WIPF1: variants seen among roughly 807,000 people sequenced by gnomAD.
WIPF1 encodes WAS/WASL-interacting protein family member 1.
WIPF1 carries 13 observed loss-of-function variants against 35.4 expected under a neutral mutation model. The observed-to-expected ratio is 0.37, with a 90% confidence interval of 0.24 to 0.58. The LOEUF (loss-of-function observed/expected upper bound fraction) is 0.58, where lower values mean the gene tolerates loss of function less well. Ranked by LOEUF, WIPF1 falls within the 20% of genes least tolerant of loss-of-function variation. The pLI, the probability that WIPF1 is intolerant of heterozygous loss-of-function variation, is 0.74. For missense variants in WIPF1, 591 were observed against 667.0 expected, an observed-to-expected ratio of 0.89 and a Z score of 1.25; for synonymous variants, 267 against 266.3, an observed-to-expected ratio of 1.00 and a Z score of -0.02.
chr2:174,665,216 T>C (rs1687864818), intron 1 of WIPF1: 1 of 152,192 alleles, frequency 6.6e-6, no homozygotes, highest in African/African-American at 2.4e-5. Context: ...CCTGCATCAT[T>C]CTGGTTTTTT....
chr2:174,623,500 C>A (rs1274973810), intron 1 of WIPF1: 1 of 152,218 alleles, frequency 6.6e-6, no homozygotes, highest in Admixed American at 6.5e-5. Flanking sequence ...AACACGGTAG[C>A]TGGCTTCCCT....
Position 174,677,521 on chromosome 2 carries a change from A to G in WIPF1, c.-39+5253T>C, listed in dbSNP as rs191540597. On this transcript the variant is annotated intron_variant, in intron 1 of 8. Transcript: ENST00000272746. ...CAGAACAATAGCGATGGAAACTAAG[A>G]GAAGGCAGAATCAGCAAATGGAGAA... Among the ~76,000 whole-genome samples, 5 of 152,378 alleles carry G rather than the reference A, an allele frequency of 3.3e-5. No homozygotes were observed. The East Asian group carries it at 9.6e-4, about 29-fold the overall frequency.
chr2:174,631,369 G>A (rs767339766), intron 1 of WIPF1, among the ~76,000 whole-genome samples: 107 of 152,204 alleles, frequency 7.0e-4, no homozygotes, highest in Admixed American at 1.8e-3. Context: ...GAAACAGAAC[G>A]ACAAATATTA....
At chr2:174,599,201 G>C (rs1422438957), upstream of WIPF1, among the ~76,000 whole-genome samples, 3 of 152,186 alleles carry the variant, frequency 2.0e-5, no homozygotes, top group African/African-American at 4.8e-5. Context: ...GCAGTGAGTG[G>C]GAATGGTGGG....
At chr2:174,651,853 T>C (rs971638660) in intron 1 of WIPF1, among the ~76,000 whole-genome samples, 2 of 152,234 alleles carry the variant, frequency 1.3e-5, no homozygotes, top group African/African-American at 2.4e-5. Context: ...TGTTCCATAA[T>C]ATCTGTGGTC....
intron 1 of WIPF1, among the ~76,000 whole-genome samples, chr2:174,593,017 A>G (rs1219451435): frequency 6.6e-6 from 1 of 152,012 alleles, no homozygotes; most frequent in Non-Finnish European, 1.5e-5. Context: ...GTTTTCTTCA[A>G]GATTTCTTTT....
chr2:174,561,890 A>C lies in WIPF1; in HGVS notation c.*657T>G, dbSNP rs1229664324. 7.5e-6 allele frequency: 5 copies of C among 665,756 alleles called. No homozygotes were observed. The allele number at this position is 665,756 out of a possible 1,614,324, so 41.2% of individuals were successfully genotyped here. A position where few individuals can be genotyped will look rare whatever the true frequency, so the allele number is the denominator to read the frequency against. On this transcript the variant is annotated 3_prime_UTR_variant, in exon 8 of 8. Coordinates refer to ENST00000679041, the MANE Select transcript of WIPF1 (RefSeq NM_001375834.1). ...TGGATTTTGAAGATTCAGTACCAAA[A>C]AATAATATAAAATATCTCATTAAAA...
chr2:174,652,605 G>A (rs987943397), intron 1 of WIPF1, among the ~76,000 whole-genome samples: 1 of 152,032 alleles, frequency 6.6e-6, no homozygotes, highest in Admixed American at 6.5e-5. Context: ...AGCATTTAAG[G>A]AGCTAGGAAC....
intron 1 of WIPF1, among the ~76,000 whole-genome samples, chr2:174,680,865 A>G (rs1219991616): frequency 6.6e-6 from 1 of 152,118 alleles, no homozygotes; most frequent in Admixed American, 6.5e-5. Flanking sequence ...CCATTATCCT[A>G]CTAGATCCTC....
intron 3 of WIPF1, among the ~76,000 whole-genome samples, chr2:174,578,941 C>A (rs944361596): frequency 1.3e-5 from 2 of 152,196 alleles, no homozygotes; most frequent in African/African-American, 4.8e-5. Context: ...TGGAATACTG[C>A]ACTTCACAGG....
chr2:174,627,990 CCT>C (rs2105926805), intron 1 of WIPF1, among the ~76,000 whole-genome samples: 1 of 152,198 alleles, frequency 6.6e-6, no homozygotes, highest in African/African-American at 2.4e-5. Flanking sequence ...TGAAAAGACC[CCT>C]AAGAGTGGCA....
Position 174,575,330 on chromosome 2 carries a change from CGCCTCCACCAAA to C in WIPF1, c.220_231del (p.Phe74_Gly77del), listed in dbSNP as rs1559148668. 2 of 1,613,680 alleles carry C rather than the reference CGCCTCCACCAAA, an allele frequency of 1.2e-6. No individual in the cohort carries two copies. Among genetic ancestry groups the C allele is most frequent in the Admixed American group, 3.3e-5 (2 of 59,952 alleles). The stretch of plus-strand genomic sequence containing the variant: ...CCACCACCTCCTCCGCCAAATCCGC[CGCCTCCACCAAA>C]GCCACCACCACCGCCTCCAGCACCA... On this transcript the variant is annotated inframe_deletion, in exon 4 of 8. Coordinates refer to ENST00000679041, the MANE Select transcript of WIPF1 (RefSeq NM_001375834.1).
Position 174,567,089 on chromosome 2 carries a change from C to T in WIPF1, c.1437G>A (p.Leu479=). 6.2e-7 allele frequency: 1 copy of T among 1,614,214 alleles called. No homozygotes were observed. ...ACTCACTCCGGCTTTCGTTTCTTGC[C>T]AGTTTGCTGGGATAACTTTTGGTCG... ...VQTTKSYPSK[L]ARNESRSGSN... is the part of the protein sequence containing the mutation. Residue 479 remains leucine, a synonymous_variant, in exon 7 of 8, where the codon CTG becomes CTA. Transcript: ENST00000679041.
intron 1 of WIPF1, among the ~76,000 whole-genome samples, chr2:174,652,581 C>T (rs1330799244): frequency 6.6e-6 from 1 of 151,868 alleles, no homozygotes; most frequent in Non-Finnish European, 1.5e-5. Flanking sequence ...ATCAGATGCC[C>T]GAGGTTAAAT....
chr2:174,642,243 T>C (rs1209586655), intron 1 of WIPF1, among the ~76,000 whole-genome samples: 1 of 152,182 alleles, frequency 6.6e-6, no homozygotes, highest in Non-Finnish European at 1.5e-5. Flanking sequence ...CTAGGGACCC[T>C]GCATTCTTGC....
At chr2:174,595,103 AAAAAAAAT>A (rs1243335490) in intron 1 of WIPF1, among the ~76,000 whole-genome samples, 1 of 41,284 alleles carries the variant, frequency 2.4e-5, no homozygotes, top group Admixed American at 3.2e-4. Flanking sequence ...AAAAAAAAAA[AAAAAAAAT>A]ATATATATAT....
intron 6 of WIPF1, among the ~76,000 whole-genome samples, chr2:174,567,622 CCAAA>C (rs1684702964): frequency 6.6e-6 from 1 of 152,048 alleles, no homozygotes. Context: ...AAAATGAGAC[CCAAA>C]CAAAGAACAG....
At chr2:174,588,092 C>T (rs1370277015) in intron 1 of WIPF1, among the ~76,000 whole-genome samples, 2 of 152,164 alleles carry the variant, frequency 1.3e-5, no homozygotes, top group East Asian at 1.9e-4. Context: ...TGGAGTCAGA[C>T]GTCTCCTAGG....
chr2:174,647,384 T>C (rs1249028250), intron 1 of WIPF1, among the ~76,000 whole-genome samples: 1 of 151,760 alleles, frequency 6.6e-6, no homozygotes, highest in Non-Finnish European at 1.5e-5. Context: ...TTTTTTTTTT[T>C]TCTTTCCGAG....
Sources: gnomAD v4.1 joint callset for allele counts (sites outside exome capture counted in the v4.1 genomes callset) on GRCh38, gnomAD v4.1.1 for gene constraint, MANE v1.5 for transcripts, NCBI Gene and HGNC (gene_info 2026-07-23, HGNC 2026-07-21) for gene names.